ST6GALNAC3: variants seen among roughly 807,000 people sequenced by gnomAD.
The protein encoded by ST6GALNAC3 is ST6 N-acetylgalactosaminide alpha-2,6-sialyltransferase 3, also known as alpha-N-acetylgalactosaminide alpha-2,6-sialyltransferase 3.
ST6GALNAC3 carries 25 observed loss-of-function variants against 32.7 expected under a neutral mutation model. That is an observed-to-expected ratio of 0.76 (90% CI 0.56 to 1.07). ST6GALNAC3 has a LOEUF of 1.07. Ranked by LOEUF, ST6GALNAC3 falls within the 50% of genes least tolerant of loss-of-function variation. The probability of loss-of-function intolerance (pLI) is 0.00; values close to 1 mark genes in which losing one functional copy is unlikely to be tolerated. For missense variants in ST6GALNAC3, 355 were observed against 382.4 expected (o/e 0.93, Z 0.60); for synonymous variants, 129 against 133.1 (o/e 0.97, Z 0.21).
chr1:76,162,179 A>G (rs1310266042), intron 1 of ST6GALNAC3, among the ~76,000 whole-genome samples: 2 of 152,342 alleles, frequency 1.3e-5, no homozygotes, highest in Admixed American at 6.5e-5. Context: ...TTTCTCCATC[A>G]TAAGATAGAC....
chr1:76,380,831 T>G (rs1432125629), intron 2 of ST6GALNAC3, among the ~76,000 whole-genome samples: 2 of 152,216 alleles, frequency 1.3e-5, no homozygotes, highest in African/African-American at 4.8e-5. Context: ...GAAATTTGTT[T>G]AAGCCATACT....
chr1:76,172,917 A>G (rs1389376231), intron 1 of ST6GALNAC3, among the ~76,000 whole-genome samples: 1 of 152,232 alleles, frequency 6.6e-6, no homozygotes, highest in Non-Finnish European at 1.5e-5. Flanking sequence ...TGCCCAAAGT[A>G]ATTTACAGAT....
At chr1:76,159,435 C>T (rs567305087) in intron 1 of ST6GALNAC3, among the ~76,000 whole-genome samples, 7 of 152,326 alleles carry the variant, frequency 4.6e-5, no homozygotes, top group South Asian at 2.1e-4. Flanking sequence ...CTGCCTGCCT[C>T]GGCTTTCCAA....
chr1:76,109,751 T>C (rs1295749839), intron 1 of ST6GALNAC3, among the ~76,000 whole-genome samples: 2 of 152,236 alleles, frequency 1.3e-5, no homozygotes, highest in African/African-American at 4.8e-5. Flanking sequence ...GGTGAAGTCA[T>C]TCTTCCCTGA....
At chr1:76,487,578 A>G (rs1660208109) in intron 3 of ST6GALNAC3, among the ~76,000 whole-genome samples, 1 of 152,150 alleles carries the variant, frequency 6.6e-6, no homozygotes, top group South Asian at 2.1e-4. Context: ...CAGCTCCATC[A>G]GGTCATTTAA....
chr1:76,551,549 A>T (rs1664639071), intron 3 of ST6GALNAC3, among the ~76,000 whole-genome samples: 1 of 152,132 alleles, frequency 6.6e-6, no homozygotes, highest in Admixed American at 6.5e-5. Context: ...TTTTATTGAT[A>T]CATAATATTT....
At chr1:76,321,868 AGAT>A (rs1646973773) in intron 2 of ST6GALNAC3, among the ~76,000 whole-genome samples, 1 of 152,236 alleles carries the variant, frequency 6.6e-6, no homozygotes, top group Admixed American at 6.5e-5. Context: ...TATAATTGTT[AGAT>A]GAAAATTTCT....
chr1:76,448,230 C>T (rs1039162430), intron 3 of ST6GALNAC3, among the ~76,000 whole-genome samples: 4 of 152,138 alleles, frequency 2.6e-5, no homozygotes, highest in Admixed American at 6.5e-5. Flanking sequence ...TGGGGACTTC[C>T]ATGGGGCCTT....
At chr1:76,215,905 TGGTGG>T (rs1167756071) in intron 1 of ST6GALNAC3, among the ~76,000 whole-genome samples, 1 of 152,170 alleles carries the variant, frequency 6.6e-6, no homozygotes, top group East Asian at 1.9e-4. Context: ...TTTCTAGAGA[TGGTGG>T]GCTTGCCAGG....
At chr1:76,273,946 A>G (rs767230198) in intron 1 of ST6GALNAC3, among the ~76,000 whole-genome samples, 14 of 152,208 alleles carry the variant, frequency 9.2e-5, no homozygotes, top group African/African-American at 1.4e-4. Flanking sequence ...CAGTGGTAAC[A>G]TGTTTTATGG....
intron 3 of ST6GALNAC3, among the ~76,000 whole-genome samples, chr1:76,477,208 T>G (rs748701971): frequency 5.5e-5 from 7 of 127,446 alleles, no homozygotes; most frequent in Non-Finnish European, 8.1e-5. Context: ...CTAGATCACA[T>G]TCTTATCTTT....
chr1:76,536,172 A>AT (rs1489264667), intron 3 of ST6GALNAC3, among the ~76,000 whole-genome samples: 1 of 152,212 alleles, frequency 6.6e-6, no homozygotes, highest in Non-Finnish European at 1.5e-5. Context: ...AAACAGGTAG[A>AT]TAAAATATCT....
At chr1:76,395,229 T>C (rs1254138559) in intron 2 of ST6GALNAC3, among the ~76,000 whole-genome samples, 2 of 152,254 alleles carry the variant, frequency 1.3e-5, no homozygotes, top group African/African-American at 4.8e-5. Context: ...CTTCTCATGC[T>C]AAGTGCCATG....
chr1:76,487,601 A>G (rs1033988622), intron 3 of ST6GALNAC3, among the ~76,000 whole-genome samples: 1 of 151,894 alleles, frequency 6.6e-6, no homozygotes, highest in African/African-American at 2.4e-5. Flanking sequence ...ACTTCTCTAC[A>G]TTGGTTGTTC....
intron 1 of ST6GALNAC3, among the ~76,000 whole-genome samples, chr1:76,085,659 G>T (rs976719130): frequency 1.3e-5 from 2 of 152,130 alleles, no homozygotes; most frequent in African/African-American, 4.8e-5. Flanking sequence ...CACTGTTTCT[G>T]ATTCTTCCAG....
chr1:76,590,444 A>G (rs916826485), intron 3 of ST6GALNAC3, among the ~76,000 whole-genome samples: 7 of 152,192 alleles, frequency 4.6e-5, no homozygotes. Flanking sequence ...CAAGAACCAT[A>G]TATTAGAAAA....
At chr1:76,394,901 T>G (rs528569717) in intron 2 of ST6GALNAC3, among the ~76,000 whole-genome samples, 2 of 152,278 alleles carry the variant, frequency 1.3e-5, no homozygotes, top group South Asian at 2.1e-4. Flanking sequence ...GAATTTTGCT[T>G]TTATTTTCTC....
At chr1:76,150,856 T>G (rs1385059809) in intron 1 of ST6GALNAC3, among the ~76,000 whole-genome samples, 2 of 152,230 alleles carry the variant, frequency 1.3e-5, no homozygotes, top group African/African-American at 4.8e-5. Flanking sequence ...TTCTAGGAGA[T>G]CTTGGCTGCA....
At chr1:76,124,414 G>A (rs1446257456) in intron 1 of ST6GALNAC3, among the ~76,000 whole-genome samples, 1 of 152,202 alleles carries the variant, frequency 6.6e-6, no homozygotes, top group Non-Finnish European at 1.5e-5. Flanking sequence ...GGGCTGGGGA[G>A]GGGCCTGTTT....
Sources: allele counts gnomAD v4.1 joint callset (sites outside exome capture counted in the v4.1 genomes callset), GRCh38; gene constraint gnomAD v4.1.1; transcripts MANE v1.5; gene names NCBI Gene and HGNC (gene_info 2026-07-23, HGNC 2026-07-21).